The following TBC1D2 variants were observed in gnomAD, a reference collection of about 807,000 sequenced individuals.
TBC1D2 encodes TBC1 domain family member 2A.
In TBC1D2, 58 loss-of-function variants were observed where a neutral mutation model predicts 91.1. That is an observed-to-expected ratio of 0.64 (90% CI 0.52 to 0.79). The LOEUF (loss-of-function observed/expected upper bound fraction) is 0.79. Ranked by LOEUF, TBC1D2 falls within the 30% of genes least tolerant of loss-of-function variation. The probability of loss-of-function intolerance (pLI) is 0.00; values close to 1 mark genes in which losing one functional copy is unlikely to be tolerated. For synonymous variants in TBC1D2, 482 were observed against 511.5 expected (o/e 0.94, Z 0.78); for missense variants, 1,080 against 1,208.3 (o/e 0.89, Z 1.57).
chr9:98,238,088 G>A (rs1322133165), intron 3 of TBC1D2, among the ~76,000 whole-genome samples: 3 of 135,664 alleles, frequency 2.2e-5, no homozygotes, highest in Non-Finnish European at 4.4e-5. Flanking sequence ...ATTTTTAGTA[G>A]AGACGGGATT....
At chr9:98,215,857 T>C (rs1345832061) in intron 6 of TBC1D2, among the ~76,000 whole-genome samples, 3 of 152,160 alleles carry the variant, frequency 2.0e-5, no homozygotes, top group African/African-American at 7.2e-5. Flanking sequence ...CCGGGCACCA[T>C]CTGAGCTCCC....
chr9:98,223,964 C>A (rs904116307), intron 5 of TBC1D2, among the ~76,000 whole-genome samples: 8 of 152,132 alleles, frequency 5.3e-5, no homozygotes, highest in Admixed American at 2.6e-4. Context: ...CTTTGGGAGG[C>A]CAAGGCGGTC....
chr9:98,243,454 G>C (rs149377312), intron 3 of TBC1D2, among the ~76,000 whole-genome samples: 1 of 151,504 alleles, frequency 6.6e-6, no homozygotes, highest in Non-Finnish European at 1.5e-5. Context: ...GAGCCACCTC[G>C]TCCAGTGGGT....
At position 98,199,476 on chromosome 9, in the gene TBC1D2, G is replaced by GT; in HGVS notation, c.2691_2692insA (p.Gln898ThrfsTer3). On this transcript the variant is annotated frameshift_variant, in exon 13 of 13. Transcript: ENST00000465784. LOFTEE classifies it low-confidence loss of function (END_TRUNC). ...CTCTCCAGGTACTCTGCCTTAAGCT[G>GT]CTCCAGCTCCCGCAGCTCAGCCTCC... 6.2e-7 allele frequency: 1 copy of GT among 1,614,132 alleles called. No individual in the cohort carries two copies. Among genetic ancestry groups the GT allele is most frequent in the Non-Finnish European group, 8.5e-7 (1 of 1,180,040 alleles).
chr9:98,240,536 T>C (rs868093159), intron 3 of TBC1D2, among the ~76,000 whole-genome samples: 24 of 152,164 alleles, frequency 1.6e-4, no homozygotes, highest in African/African-American at 5.6e-4. Flanking sequence ...CCCTGTTACA[T>C]GGATTTCACA....
intron 9 of TBC1D2, among the ~76,000 whole-genome samples, chr9:98,206,567 T>G (rs1828661509): frequency 6.6e-6 from 1 of 152,150 alleles, no homozygotes; most frequent in African/African-American, 2.4e-5. Context: ...TCGAGAAGGT[T>G]ACATCCACAT....
chr9:98,213,249 T>C (rs1167566641), intron 6 of TBC1D2, 31 bp from the exon 7 acceptor site: 3 of 1,613,368 alleles, frequency 1.9e-6, no homozygotes, highest in Non-Finnish European at 2.5e-6. Context: ...TGTTATCAGT[T>C]GGACATAAAC....
intron 5 of TBC1D2, among the ~76,000 whole-genome samples, chr9:98,221,593 C>T (rs1161237230): frequency 6.6e-6 from 1 of 152,208 alleles, no homozygotes; most frequent in Non-Finnish European, 1.5e-5. Flanking sequence ...GTGGCAGGAA[C>T]TAGAGTGGCC....
rs183068528 is a variant in TBC1D2, at chr9:98,239,016, C to T, written c.647+4978G>A. Among the ~76,000 whole-genome samples the T allele has an allele frequency of 3.8e-3, 575 of 152,158 alleles. 4 individuals are homozygous for T. The highest frequency in any genetic ancestry group is 0.013 in the African/African-American group (558 of 41,498). ...GGGATTGCAGGCATGAGCCACTGTG[C>T]CTGGCCTCCTTCTAGACTTTTAAAA... On this transcript the variant is annotated intron_variant, in intron 3 of 12. Transcript: ENST00000465784.
intron 1 of TBC1D2, among the ~76,000 whole-genome samples, chr9:98,253,471 T>C (rs889007496): frequency 6.6e-6 from 1 of 152,182 alleles, no homozygotes; most frequent in African/African-American, 2.4e-5. Flanking sequence ...CTCTATCCAA[T>C]AGTCAGACTG....
chr9:98,252,035 A>G lies in TBC1D2; in HGVS notation c.370-109T>C, dbSNP rs183611014. The G allele has an allele frequency of 8.7e-6, 12 of 1,386,186 alleles. No homozygotes were observed. The East Asian group carries it at 2.8e-4, about 33-fold the overall frequency. 85.9% of individuals were successfully genotyped at this position (1,386,186 alleles called of 1,614,324 possible). A position where few individuals can be genotyped will look rare whatever the true frequency, so the allele number is the denominator to read the frequency against. On this transcript the variant is annotated intron_variant, in intron 1 of 12. Transcript: ENST00000465784. ...CTTAGGAATGCTTTCTTTCCCAGGA[A>G]AAAAAAAAGGGGGTCACTGTAGGTA...
chr9:98,213,126 C>T lies in TBC1D2; in HGVS notation c.1467G>A (p.Glu489=). 1.2e-6 allele frequency: 2 copies of T among 1,614,142 alleles called. No individual in the cohort carries two copies. The highest frequency in any genetic ancestry group is 2.7e-5 in the African/African-American group (2 of 75,038). ...CCCGCACCTTCGTCAGAAGGGCCTT[C>T]TCCTTCTCAGCCACCTTTCTCCAGA... The part of the protein sequence containing the change: ...TKIWRKVAEK[E]KALLTKCAYL... The change falls in exon 7 of 13, where the codon GAG becomes GAA. Residue 489 remains glutamate, a synonymous_variant. Coordinates refer to ENST00000465784, the MANE Select transcript of TBC1D2 (RefSeq NM_001267571.2).
At chr9:98,216,585 A>G (rs1414392490) in intron 6 of TBC1D2, among the ~76,000 whole-genome samples, 5 of 152,248 alleles carry the variant, frequency 3.3e-5, no homozygotes, top group African/African-American at 1.2e-4. Context: ...GACACTGCGT[A>G]GAGAAAGCAG....
At chr9:98,200,926 G>C (rs1269162565) in intron 11 of TBC1D2, among the ~76,000 whole-genome samples, 1 of 151,640 alleles carries the variant, frequency 6.6e-6, no homozygotes, top group Non-Finnish European at 1.5e-5. Flanking sequence ...TGAGGCAGGA[G>C]AACTGCTTGA....
intron 4 of TBC1D2, among the ~76,000 whole-genome samples, chr9:98,231,029 G>T (rs1276973362): frequency 6.6e-6 from 1 of 152,162 alleles, no homozygotes. Flanking sequence ...CCTGTAATGG[G>T]GTATAGGGGA....
At chr9:98,207,235 T>C (rs1040927250) in intron 9 of TBC1D2, among the ~76,000 whole-genome samples, 4 of 152,166 alleles carry the variant, frequency 2.6e-5, no homozygotes. Flanking sequence ...TGGGAACCAC[T>C]CAAATTTGAG....
chr9:98,202,218 GT>G (rs1828526399), intron 10 of TBC1D2, among the ~76,000 whole-genome samples: 1 of 152,204 alleles, frequency 6.6e-6, no homozygotes, highest in Non-Finnish European at 1.5e-5. Flanking sequence ...TCAAAACAGG[GT>G]GCTCCTGGCG....
intron 4 of TBC1D2, among the ~76,000 whole-genome samples, chr9:98,231,023 TA>T (rs1829355412): frequency 6.6e-6 from 1 of 152,152 alleles, no homozygotes. Context: ...CTCCTTCCTG[TA>T]ATGGGGTATA....
intron 7 of TBC1D2, among the ~76,000 whole-genome samples, chr9:98,212,231 C>T (rs183085390): frequency 1.4e-4 from 22 of 152,322 alleles, no homozygotes; most frequent in Admixed American, 1.2e-3. Flanking sequence ...GACTTCTCCA[C>T]TCAGAATCCT....
Sources: gnomAD v4.1 joint callset for allele counts (sites outside exome capture counted in the v4.1 genomes callset) on GRCh38, gnomAD v4.1.1 for gene constraint, MANE v1.5 for transcripts, NCBI Gene and HGNC (gene_info 2026-07-23, HGNC 2026-07-21) for gene names.